Variants in CASK observed in about 807,000 individuals in gnomAD.
CASK encodes the protein peripheral plasma membrane protein CASK.
In CASK, 4 loss-of-function variants were observed where a neutral mutation model predicts 82.9. The observed-to-expected ratio is 0.05, with a 90% confidence interval of 0.02 to 0.11. The LOEUF is 0.11. Among genes scored for constraint, CASK ranks in the 10% least tolerant of loss-of-function variants. The probability of loss-of-function intolerance (pLI) is 1.00; values close to 1 mark genes in which losing one functional copy is unlikely to be tolerated. For missense variants in CASK, 358 were observed against 720.9 expected, an observed-to-expected ratio of 0.50 and a Z score of 5.76; for synonymous variants, 259 against 253.5, an observed-to-expected ratio of 1.02 and a Z score of -0.20.
chrX:41,922,521 A>G (rs183413854), intron 1 of CASK, among the ~76,000 whole-genome samples: 4 of 112,037 alleles, frequency 3.6e-5, no homozygotes, highest in African/African-American at 1.3e-4. Flanking sequence ...ACACCCCACA[A>G]TTAAAACCCT....
At chrX:41,543,310 A>G (rs2064973604) in intron 21 of CASK, among the ~76,000 whole-genome samples, 1 of 112,352 alleles carries the variant, frequency 8.9e-6, no homozygotes, top group African/African-American at 3.2e-5. Flanking sequence ...AGAGTGGGGA[A>G]GGTCTGGCAC....
At chrX:41,857,021 G>A (rs2071386159) in intron 1 of CASK, among the ~76,000 whole-genome samples, 1 of 110,504 alleles carries the variant, frequency 9.0e-6, no homozygotes, top group African/African-American at 3.3e-5. Flanking sequence ...GACTAGCTCA[G>A]AAGAAAAGAC....
At chrX:41,685,392 T>C (rs1192418277) in intron 5 of CASK, among the ~76,000 whole-genome samples, 1 of 112,676 alleles carries the variant, frequency 8.9e-6, no homozygotes, top group Non-Finnish European at 1.9e-5. Flanking sequence ...TAAGAAAATA[T>C]GTACAAATAT....
intron 5 of CASK, among the ~76,000 whole-genome samples, chrX:41,686,408 T>C (rs2067441884): frequency 9.2e-6 from 1 of 108,940 alleles, no homozygotes; most frequent in Non-Finnish European, 1.9e-5. Context: ...TCTTTCTTTT[T>C]TTTTTTTTTT....
intron 1 of CASK, among the ~76,000 whole-genome samples, chrX:41,863,637 T>G (rs2071535165): frequency 8.9e-6 from 1 of 112,409 alleles, no homozygotes; most frequent in South Asian, 3.7e-4. Context: ...ATTTTGTTAT[T>G]TTCTAAATGT....
At position 41,905,720 on chromosome X, in the gene CASK, A is replaced by C. The variant is rs188262346; in HGVS notation, c.59+17210T>G. On this transcript the variant is annotated intron_variant, in intron 1 of 26. Coordinates refer to ENST00000378163, the MANE Select transcript of CASK (RefSeq NM_001367721.1). ...TCTCAAAAATTACTGTTGATGTTGAAAACAATTCATGCTCACTGCACACCT... is the reference window on the plus strand; with the variant it reads ...TCTCAAAAATTACTGTTGATGTTGACAACAATTCATGCTCACTGCACACCT... Among the ~76,000 whole-genome samples, 6 of 112,851 alleles carry C rather than the reference A, an allele frequency of 5.3e-5. No individual in the cohort carries two copies. The Admixed American group carries it at 5.6e-4, about 11-fold the overall frequency.
chrX:41,708,708 G>A (rs1044895347), intron 5 of CASK, among the ~76,000 whole-genome samples: 2 of 112,262 alleles, frequency 1.8e-5, no homozygotes, highest in Non-Finnish European at 3.8e-5. Flanking sequence ...CTGGAAAATA[G>A]TGCAATGTGG....
At chrX:41,576,383 T>C (rs751578728) in intron 15 of CASK, among the ~76,000 whole-genome samples, 8 of 111,224 alleles carry the variant, frequency 7.2e-5, no homozygotes, top group Admixed American at 9.6e-5. Flanking sequence ...CTCCTTCTTG[T>C]GGTCCCTTCT....
intron 2 of CASK, among the ~76,000 whole-genome samples, chrX:41,826,067 T>G (rs1195259774): frequency 1.8e-5 from 2 of 112,039 alleles, no homozygotes; most frequent in African/African-American, 6.5e-5. Context: ...ATTTTAGTAC[T>G]GCCTCGGAAT....
At position 41,671,290 on chromosome X, in the gene CASK, A is replaced by G. The variant is rs776744824; in HGVS notation, c.532+138T>C. On this transcript the variant is annotated intron_variant, in intron 6 of 26. Transcript: ENST00000378163. ...GAGTTATTAAATTAAAAACTATCTG[A>G]TGATGCTTTTTGGGAGTTGGGGTGG... 2.1e-4 allele frequency: 109 copies of G among 507,117 alleles called. 2 individuals carry two copies. The highest frequency in any genetic ancestry group is 2.1e-3 in the Admixed American group (70 of 33,697). 41.8% of individuals were successfully genotyped at this position (507,117 alleles called of 1,213,427 possible).
At chrX:41,704,392 T>C (rs1249109433) in intron 5 of CASK, among the ~76,000 whole-genome samples, 1 of 112,088 alleles carries the variant, frequency 8.9e-6, no homozygotes, top group African/African-American at 3.2e-5. Flanking sequence ...CTTGAGAACA[T>C]GAAAATAGAA....
chrX:41,672,422 G>A (rs2067209150), intron 5 of CASK, among the ~76,000 whole-genome samples: 1 of 111,118 alleles, frequency 9.0e-6, no homozygotes, highest in African/African-American at 3.3e-5. Flanking sequence ...TCCCCAATAT[G>A]ACTAAAACTA....
intron 3 of CASK, among the ~76,000 whole-genome samples, chrX:41,783,058 C>T (rs1343625539): frequency 9.0e-6 from 1 of 110,562 alleles, no homozygotes; most frequent in African/African-American, 3.3e-5. Context: ...GGCAAAGAAT[C>T]GCTTGAACCC....
At chrX:41,641,941 T>C (rs1480955600) in intron 8 of CASK, among the ~76,000 whole-genome samples, 4 of 88,799 alleles carry the variant, frequency 4.5e-5, no homozygotes, top group Admixed American at 1.4e-4. Context: ...TTCCCCACCC[T>C]GTGTCCAAGT....
At chrX:41,821,567 T>A (rs1470853918) in intron 2 of CASK, among the ~76,000 whole-genome samples, 3 of 112,290 alleles carry the variant, frequency 2.7e-5, no homozygotes, top group Non-Finnish European at 5.6e-5. Flanking sequence ...AGTGACAATA[T>A]GTCCAACTCA....
intron 5 of CASK, among the ~76,000 whole-genome samples, chrX:41,680,490 A>T (rs989416997): frequency 9.1e-6 from 1 of 109,903 alleles, no homozygotes; most frequent in Admixed American, 9.8e-5. Context: ...CAAAAATAAT[A>T]ATAATAAAAA....
At position 41,612,891 on chromosome X, in the gene CASK, G is replaced by A. The variant is rs1405813349; in HGVS notation, c.1034-2866C>T. On this transcript the variant is annotated intron_variant, in intron 11 of 26. Transcript: ENST00000378163. ...GTCCGGGAGGGAGGTGGGGGGGTCAGCCCCCCGCCCGGCCAGCCGCCCCAT... is the reference window on the plus strand; with the variant it reads ...GTCCGGGAGGGAGGTGGGGGGGTCAACCCCCCGCCCGGCCAGCCGCCCCAT... Among the ~76,000 whole-genome samples, 30 of 95,379 alleles carry A rather than the reference G, an allele frequency of 3.1e-4. 1 individual carries two copies. Among genetic ancestry groups the A allele is most frequent in the African/African-American group, 1.1e-3 (27 of 25,311 alleles). The allele number at this position is 95,379 out of a possible 115,157, so 82.8% of individuals were successfully genotyped here.
chrX:41,620,058 T>C (rs2066263189), intron 11 of CASK, among the ~76,000 whole-genome samples: 1 of 112,862 alleles, frequency 8.9e-6, no homozygotes, highest in Non-Finnish European at 1.9e-5. Context: ...AAGTGTACCA[T>C]TCAATGAGTT....
At chrX:41,528,593 A>C (rs1273734279) in intron 25 of CASK, among the ~76,000 whole-genome samples, 2 of 112,504 alleles carry the variant, frequency 1.8e-5, no homozygotes, top group African/African-American at 6.5e-5. Context: ...TTTCATCCTC[A>C]CCATCTTGTC....
Sources: allele counts gnomAD v4.1 joint callset (sites outside exome capture counted in the v4.1 genomes callset), GRCh38; gene constraint gnomAD v4.1.1; transcripts MANE v1.5; gene names NCBI Gene and HGNC (gene_info 2026-07-23, HGNC 2026-07-21).